The following MTMR14 variants were observed in gnomAD, a reference collection of about 807,000 sequenced individuals.
MTMR14 encodes phosphatidylinositol-3,5-bisphosphate 3-phosphatase MTMR14.
A neutral mutation model predicts 86.3 loss-of-function variants in MTMR14; 48 were observed. That is an observed-to-expected ratio of 0.56 (90% CI 0.44 to 0.71). The LOEUF (loss-of-function observed/expected upper bound fraction) is 0.71, where lower values mean the gene tolerates loss of function less well. Among genes scored for constraint, MTMR14 ranks in the 30% least tolerant of loss-of-function variants. The pLI, the probability that MTMR14 is intolerant of heterozygous loss-of-function variation, is 0.00. For synonymous variants in MTMR14, 366 were observed against 326.1 expected (o/e 1.12, Z -1.32); for missense variants, 780 against 834.6 (o/e 0.93, Z 0.81).
chr3:9,673,954 A>G (rs1329029830), intron 7 of MTMR14, among the ~76,000 whole-genome samples: 2 of 151,778 alleles, frequency 1.3e-5, no homozygotes, highest in East Asian at 1.9e-4. Context: ...GATGATGGTG[A>G]TGATGATGAT....
chr3:9,654,440 G>C (rs2047480544), intron 2 of MTMR14, among the ~76,000 whole-genome samples: 1 of 152,292 alleles, frequency 6.6e-6, no homozygotes, highest in East Asian at 1.9e-4. Flanking sequence ...CCTTATGTGG[G>C]TTAACAGTTT....
intron 9 of MTMR14, among the ~76,000 whole-genome samples, chr3:9,681,952 G>A (rs921337645): frequency 6.0e-5 from 9 of 150,978 alleles, no homozygotes; most frequent in Admixed American, 2.6e-4. Flanking sequence ...CCAGACAGCC[G>A]TCATGGTGGC....
At chr3:9,683,265 G>C (rs752281705) in intron 10 of MTMR14, 21 bp downstream of exon 10, 22 of 1,611,422 alleles carry the variant, frequency 1.4e-5, no homozygotes, top group Non-Finnish European at 1.8e-5. Flanking sequence ...CTCCTCCAGA[G>C]CCCTCGAGCC....
At chr3:9,662,104 T>C (rs537758924) in intron 2 of MTMR14, among the ~76,000 whole-genome samples, 163 bp from the exon 3 acceptor site, 12 of 150,692 alleles carry the variant, frequency 8.0e-5, no homozygotes, top group Admixed American at 6.0e-4. Context: ...AATAGATAGA[T>C]AGACAGACAG....
chr3:9,682,452 A>G (rs1296035674), intron 9 of MTMR14, among the ~76,000 whole-genome samples: 2 of 152,208 alleles, frequency 1.3e-5, no homozygotes, highest in Non-Finnish European at 2.9e-5. Flanking sequence ...GGGTGCCGCA[A>G]AACTGGGTCA....
intron 2 of MTMR14, among the ~76,000 whole-genome samples, chr3:9,658,218 T>G (rs1461103520): frequency 2.6e-5 from 4 of 152,242 alleles, no homozygotes; most frequent in Non-Finnish European, 5.9e-5. Flanking sequence ...ACTGTCTGGC[T>G]TGGCTGTTAC....
In MTMR14 at chr3:9,685,206, T is replaced by A; in HGVS notation, c.1128-5T>A. The stretch of plus-strand genomic sequence containing the variant: ...GACTTTGCCTCTCTACCCTCCTTTT[T>A]TCAGGCACATGTTGGTAGATCGGCT... On this transcript the variant is annotated splice_polypyrimidine_tract_variant and splice_region_variant and intron_variant, in intron 12 of 18. Transcript: ENST00000296003. 2 of 1,614,168 alleles carry A rather than the reference T, an allele frequency of 1.2e-6. No individual in the cohort carries two copies. The highest frequency in any genetic ancestry group is 1.7e-5 in the Admixed American group (1 of 60,014).
rs550436870 is a variant in MTMR14 at position 9,667,812 on chromosome 3, A to G, written c.418-907A>G. On this transcript the variant is annotated intron_variant, in intron 3 of 18. Transcript: ENST00000296003. ...CCCATTATCTTACAGGTAGAGATGG[A>G]GAAGCCTTCAGATGGTACTTGGCAA... Among the ~76,000 whole-genome samples, 10 of 152,308 alleles carry G rather than the reference A, an allele frequency of 6.6e-5. No homozygotes were observed. In the East Asian group the frequency reaches 1.7e-3, roughly 26 times the overall value.
rs986827865 is a variant in MTMR14 at position 9,663,448 on chromosome 3, T to C, written c.417+1073T>C. Among the ~76,000 whole-genome samples, 6 of 151,614 alleles carry C rather than the reference T, an allele frequency of 4.0e-5. No homozygotes were observed. The East Asian group carries it at 9.7e-4, about 24-fold the overall frequency. On this transcript the variant is annotated intron_variant, in intron 3 of 18. Transcript: ENST00000296003. The stretch of plus-strand genomic sequence containing the variant: ...AAGCTGTTGCCACTTTGGAAAGTTT[T>C]CATGTTCCCGAAAGTTATTGCAACT...
chr3:9,682,421 G>A (rs1200133188), intron 9 of MTMR14, among the ~76,000 whole-genome samples: 1 of 152,098 alleles, frequency 6.6e-6, no homozygotes, highest in Non-Finnish European at 1.5e-5. Flanking sequence ...AGAGAACAGA[G>A]ACTGCCCCAG....
At chr3:9,667,915 A>G (rs1189634329) in intron 3 of MTMR14, among the ~76,000 whole-genome samples, 1 of 152,060 alleles carries the variant, frequency 6.6e-6, no homozygotes. Context: ...CTGTCACCTC[A>G]CAACTTCGCC....
intron 2 of MTMR14, among the ~76,000 whole-genome samples, chr3:9,658,201 CT>C (rs1411820523): frequency 1.8e-4 from 27 of 152,076 alleles, no homozygotes; most frequent in Non-Finnish European, 3.7e-4. Context: ...GCATTTTTTG[CT>C]TTTTTACTGT....
intron 14 of MTMR14, among the ~76,000 whole-genome samples, 157 bp downstream of exon 14, chr3:9,688,048 C>G (rs1362975410): frequency 6.6e-6 from 1 of 152,166 alleles, no homozygotes; most frequent in Non-Finnish European, 1.5e-5. Context: ...GGGTAGGGGT[C>G]CCTGCTGAAG....
chr3:9,664,182 T>C lies in MTMR14; in HGVS notation c.417+1807T>C, dbSNP rs1017437525. 3.3e-5 allele frequency among the ~76,000 whole-genome samples: 5 copies of C among 151,476 alleles called. No homozygotes were observed. The East Asian group carries it at 7.7e-4, about 23-fold the overall frequency. On this transcript the variant is annotated intron_variant, in intron 3 of 18. Coordinates refer to ENST00000296003, the MANE Select transcript of MTMR14 (RefSeq NM_001077525.3). ...TACTCCAACCAGTGTTTCCATAGAA[T>C]AGCAGTTTAAGGACATGCTTGCGAA...
At chr3:9,654,088 G>C (rs564463799) in intron 2 of MTMR14, among the ~76,000 whole-genome samples, 29 of 152,136 alleles carry the variant, frequency 1.9e-4, no homozygotes, top group Non-Finnish European at 3.4e-4. Context: ...GAGGTACACT[G>C]TGTAAAGACA....
At chr3:9,679,089 G>C (rs757314037) in intron 9 of MTMR14, among the ~76,000 whole-genome samples, 30 of 152,232 alleles carry the variant, frequency 2.0e-4, no homozygotes, top group Non-Finnish European at 3.4e-4. Flanking sequence ...TCAGTACCCT[G>C]TTGTCCTGAT....
intron 3 of MTMR14, 92 bp downstream of exon 3, chr3:9,662,467 T>C: frequency 9.6e-7 from 1 of 1,041,212 alleles, no homozygotes; most frequent in African/African-American, 1.6e-5. Context: ...CCCTCAACAT[T>C]AGTAGCCAAG....
At chr3:9,680,004 G>A (rs141816616) in intron 9 of MTMR14, among the ~76,000 whole-genome samples, 31 of 152,172 alleles carry the variant, frequency 2.0e-4, no homozygotes, top group African/African-American at 4.6e-4. Context: ...CTGGGGTGCC[G>A]GTACCCTGTT....
At position 9,687,852 on chromosome 3, in the gene MTMR14, A is replaced by G. The variant is rs771554384; in HGVS notation, c.1196A>G (p.His399Arg). The change falls in exon 14 of 19, where the codon CAT becomes CGT. Residue 399 changes from histidine (H) to arginine (R), a missense_variant. Coordinates refer to ENST00000296003, the MANE Select transcript of MTMR14 (RefSeq NM_001077525.3). ...TTCTTCTGCTTCAATTTTTTGAAGC[A>G]TATTACCTCCGAGGAGTTCTCTGCT... is the stretch of plus-strand genomic sequence containing the variant. ...IFFFCFNFLK[H>R]ITSEEFSALK... 1 of 1,586,700 alleles carries G rather than the reference A, an allele frequency of 6.3e-7. No homozygotes were observed. The highest frequency in any genetic ancestry group is 8.6e-7 in the Non-Finnish European group (1 of 1,163,754).
Sources: gnomAD v4.1 joint callset for allele counts (sites outside exome capture counted in the v4.1 genomes callset) on GRCh38, gnomAD v4.1.1 for gene constraint, MANE v1.5 for transcripts, NCBI Gene and HGNC (gene_info 2026-07-23, HGNC 2026-07-21) for gene names.